PAFAH1B1: variants seen among roughly 807,000 people sequenced by gnomAD.
PAFAH1B1 encodes platelet activating factor acetylhydrolase 1b regulatory subunit 1, also known as platelet-activating factor acetylhydrolase IB subunit beta.
A neutral mutation model predicts 57.5 loss-of-function variants in PAFAH1B1; 2 were observed. That is an observed-to-expected ratio of 0.03 (90% CI 0.01 to 0.11). PAFAH1B1 has a LOEUF of 0.11. Ranked by LOEUF, PAFAH1B1 falls within the 10% of genes least tolerant of loss-of-function variation. PAFAH1B1 has a pLI of 1.00. For missense variants in PAFAH1B1, 257 were observed against 512.0 expected (o/e 0.50, Z 4.81); for synonymous variants, 152 against 169.6 (o/e 0.90, Z 0.81).
At chr17:2,665,335 G>T in intron 2 of PAFAH1B1, 37 bp from the exon 3 acceptor site, 2 of 1,095,104 alleles carry the variant, frequency 1.8e-6, no homozygotes, top group Non-Finnish European at 2.8e-6. Context: ...TAGAAATGAG[G>T]TCTTTTTTTT....
chr17:2,665,657 A>G (rs895828617), intron 3 of PAFAH1B1, among the ~76,000 whole-genome samples: 2 of 151,744 alleles, frequency 1.3e-5, no homozygotes, highest in African/African-American at 4.8e-5. Context: ...GCTGGAGTGC[A>G]GTGGCGTGAT....
intron 1 of PAFAH1B1, among the ~76,000 whole-genome samples, chr17:2,626,253 A>G (rs1012544215): frequency 6.7e-6 from 1 of 148,246 alleles, no homozygotes; most frequent in Non-Finnish European, 1.5e-5. Flanking sequence ...CTCCGTCTCA[A>G]AAAAAAAAAA....
At chr17:2,663,000 C>G (rs936114124) in intron 2 of PAFAH1B1, among the ~76,000 whole-genome samples, 6 of 152,112 alleles carry the variant, frequency 3.9e-5, no homozygotes, top group East Asian at 1.9e-4. Context: ...GTAATCCCAG[C>G]TACTCTGGAG....
intron 1 of PAFAH1B1, among the ~76,000 whole-genome samples, chr17:2,633,746 T>C (rs370734010): frequency 2.6e-5 from 4 of 152,106 alleles, no homozygotes; most frequent in African/African-American, 9.7e-5. Flanking sequence ...TGCTTGATAG[T>C]TGGACAGGTT....
chr17:2,673,193 A>G (rs966434625), intron 7 of PAFAH1B1, among the ~76,000 whole-genome samples: 1 of 152,244 alleles, frequency 6.6e-6, no homozygotes, highest in African/African-American at 2.4e-5. Flanking sequence ...AATATACTTT[A>G]AAACTAAGTT....
intron 5 of PAFAH1B1, among the ~76,000 whole-genome samples, chr17:2,667,831 T>C (rs866102131): frequency 6.6e-6 from 1 of 152,064 alleles, no homozygotes; most frequent in African/African-American, 2.4e-5. Context: ...AAAAATATTA[T>C]TACCTTTTAA....
chr17:2,680,206 G>T lies in PAFAH1B1; in HGVS notation c.1045G>T (p.Gly349Trp). 2 of 1,614,040 alleles carry T rather than the reference G, an allele frequency of 1.2e-6. No individual in the cohort carries two copies. The highest frequency in any genetic ancestry group is 1.7e-6 in the Non-Finnish European group (2 of 1,179,896). Reference sequence around the variant, plus strand: ...GGTACGTGGAGTTCTGTTCCATTCTGGGGGGAAGTTTATTTTGAGTTGTGC... The same window carrying T: ...GGTACGTGGAGTTCTGTTCCATTCTTGGGGGAAGTTTATTTTGAGTTGTGC... ...NWVRGVLFHS[G>W]GKFILSCADD... Residue 349 changes from glycine to tryptophan, a missense_variant, in exon 10 of 11, where the codon GGG (glycine) becomes TGG (tryptophan). Coordinates refer to ENST00000397195, the MANE Select transcript of PAFAH1B1 (RefSeq NM_000430.4).
At chr17:2,674,879 G>T (rs1242123429) in intron 8 of PAFAH1B1, among the ~76,000 whole-genome samples, 1 of 152,158 alleles carries the variant, frequency 6.6e-6, no homozygotes, top group Non-Finnish European at 1.5e-5. Context: ...GCGGCACATG[G>T]CTATAGTCCT....
At chr17:2,649,794 A>G (rs1390311793) in intron 2 of PAFAH1B1, among the ~76,000 whole-genome samples, 1 of 152,222 alleles carries the variant, frequency 6.6e-6, no homozygotes, top group Non-Finnish European at 1.5e-5. Context: ...AATATTTTAA[A>G]TGATAAATGG....
At chr17:2,604,631 T>G (rs1295183730) in intron 1 of PAFAH1B1, among the ~76,000 whole-genome samples, 1 of 152,072 alleles carries the variant, frequency 6.6e-6, no homozygotes, top group African/African-American at 2.4e-5. Context: ...GCTAACATGG[T>G]GAAGCCCTAT....
chr17:2,632,774 A>G (rs2068571717), intron 1 of PAFAH1B1, among the ~76,000 whole-genome samples: 1 of 152,194 alleles, frequency 6.6e-6, no homozygotes, highest in African/African-American at 2.4e-5. Flanking sequence ...ATAGGGGAAG[A>G]TATGCATAGG....
chr17:2,647,784 C>T (rs1352293653), intron 2 of PAFAH1B1, among the ~76,000 whole-genome samples: 1 of 151,734 alleles, frequency 6.6e-6, no homozygotes, highest in Non-Finnish European at 1.5e-5. Context: ...GTGGGTGGAT[C>T]ATGGGGTCAG....
intron 2 of PAFAH1B1, among the ~76,000 whole-genome samples, chr17:2,639,055 A>G (rs771727968): frequency 8.6e-5 from 13 of 151,936 alleles, no homozygotes; most frequent in Admixed American, 5.9e-4. Flanking sequence ...GACCGTCAAC[A>G]CGCCTGGCTA....
Position 2,662,866 on chromosome 17 carries a change from T to G in PAFAH1B1, c.33-2506T>G, listed in dbSNP as rs142143708. Among the ~76,000 whole-genome samples, 1,144 of 152,202 alleles carry G rather than the reference T, an allele frequency of 7.5e-3. 19 individuals carry two copies. Among genetic ancestry groups the G allele is most frequent in the African/African-American group, 0.026 (1,089 of 41,542 alleles). On this transcript the variant is annotated intron_variant, in intron 2 of 10. Coordinates refer to ENST00000397195, the MANE Select transcript of PAFAH1B1 (RefSeq NM_000430.4). ...TGGCTAACGCCTGTAATCCCAACAC[T>G]TTGGGAGGCCAAGGTGGGCGGATCA... is the stretch of plus-strand genomic sequence containing the variant.
At chr17:2,659,414 G>A (rs1022316562) in intron 2 of PAFAH1B1, 7 of 281,556 alleles carry the variant, frequency 2.5e-5, no homozygotes, top group South Asian at 2.0e-4. Context: ...GCACACGCCT[G>A]TAGTCCCAGC....
chr17:2,628,315 C>T (rs2068517103), intron 1 of PAFAH1B1, among the ~76,000 whole-genome samples: 1 of 152,112 alleles, frequency 6.6e-6, no homozygotes, highest in African/African-American at 2.4e-5. Context: ...GCTTTTTCTA[C>T]ATCTATTGAG....
rs551884387 is a variant in PAFAH1B1, at chr17:2,638,897, C to G, written c.32+577C>G. 4.0e-5 allele frequency among the ~76,000 whole-genome samples: 6 copies of G among 151,010 alleles called. No homozygotes were observed. In the South Asian group the frequency reaches 1.3e-3, roughly 32 times the overall value. On this transcript the variant is annotated intron_variant, in intron 2 of 10. Transcript: ENST00000397195. The stretch of plus-strand genomic sequence containing the variant: ...CAGTTGGGATGAGTTTTACCCTAAG[C>G]TTATTTTTATTTTTATTTTTGAGAT...
intron 7 of PAFAH1B1, among the ~76,000 whole-genome samples, chr17:2,673,450 T>C (rs970954211): frequency 1.5e-4 from 23 of 151,938 alleles, no homozygotes; most frequent in Non-Finnish European, 3.2e-4. Context: ...CCGTCCTGGC[T>C]AACACGATGA....
upstream of PAFAH1B1, among the ~76,000 whole-genome samples, chr17:2,593,510 G>A (rs983307988): frequency 6.6e-6 from 1 of 150,976 alleles, no homozygotes; most frequent in Non-Finnish European, 1.5e-5. Flanking sequence ...GCGCGGCCCC[G>A]GCCCGGCCCA....
Sources: gnomAD v4.1 joint callset for allele counts (sites outside exome capture counted in the v4.1 genomes callset) on GRCh38, gnomAD v4.1.1 for gene constraint, MANE v1.5 for transcripts, NCBI Gene and HGNC (gene_info 2026-07-23, HGNC 2026-07-21) for gene names.